Variants in SNX4 observed in about 807,000 individuals in gnomAD.
SNX4 encodes sorting nexin 4.
Under a neutral mutation model 70.8 loss-of-function variants are expected in SNX4, and 49 were observed. The ratio of observed to expected loss-of-function variants is 0.69; its 90% confidence interval spans 0.55 to 0.88. The LOEUF (loss-of-function observed/expected upper bound fraction) is 0.88, where lower values mean the gene tolerates loss of function less well. Ranked by LOEUF, SNX4 falls within the 40% of genes least tolerant of loss-of-function variation. The probability of loss-of-function intolerance (pLI) is 0.00; values close to 1 mark genes in which losing one functional copy is unlikely to be tolerated. For missense variants in SNX4, 528 were observed against 544.8 expected (o/e 0.97, Z 0.31); for synonymous variants, 206 against 183.8 (o/e 1.12, Z -0.98).
chr3:125,482,344 T>G (rs1442300555), intron 6 of SNX4, among the ~76,000 whole-genome samples: 4 of 152,212 alleles, frequency 2.6e-5, no homozygotes, highest in Non-Finnish European at 5.9e-5. Context: ...TCCCTTGCAC[T>G]CTAAAGAATG....
rs766176952 is a variant in SNX4 at position 125,451,385 on chromosome 3, G to A, written c.1225C>T (p.Arg409Cys). Residue 409 changes from arginine to cysteine, a missense_variant, in exon 13 of 14, where the codon CGC becomes TGC. Coordinates refer to ENST00000251775, the MANE Select transcript of SNX4 (RefSeq NM_003794.4). ...TCTCGGTTCTTTTGTTCTTTGAAGC[G>A]TTCAATATCAGCCCATGCGTTTTTC... ...FVKNAWADIE[R>C]FKEQKNRDLK... 15 of 1,613,460 alleles carry A rather than the reference G, an allele frequency of 9.3e-6. No individual in the cohort carries two copies. The highest frequency in any genetic ancestry group is 8.9e-5 in the East Asian group (4 of 44,846).
At chr3:125,509,993 C>T (rs73191137) in intron 1 of SNX4, among the ~76,000 whole-genome samples, 18,948 of 152,026 alleles carry the variant, frequency 0.12, 1,441 homozygotes, top group African/African-American at 0.21. Flanking sequence ...TTGGAACCCT[C>T]GTGCCCTATT....
chr3:125,512,616 A>G (rs1935193354), intron 1 of SNX4, among the ~76,000 whole-genome samples: 1 of 152,148 alleles, frequency 6.6e-6, no homozygotes, highest in South Asian at 2.1e-4. Context: ...TGAATGGCAG[A>G]TGAGACCAGG....
intron 10 of SNX4, among the ~76,000 whole-genome samples, chr3:125,458,814 C>CAAAAAAAAAAAAAAAAAAAAAAAAAAA (rs71148180): frequency 1.5e-5 from 1 of 64,532 alleles, no homozygotes. Context: ...GACTCCGTCT[C>CAAAAAAAAAAAAAAAAAAAAAAAAAAA]AAAAAAAAAA....
intron 7 of SNX4, among the ~76,000 whole-genome samples, chr3:125,479,922 TA>T (rs992535649): frequency 4.0e-5 from 6 of 151,756 alleles, no homozygotes; most frequent in Admixed American, 1.3e-4. Context: ...CACGGACCTT[TA>T]AAAAAAACAT....
rs534916578 is a variant in SNX4 at position 125,451,869 on chromosome 3, T to G, written c.1191-450A>C. Among the ~76,000 whole-genome samples, 25 of 152,112 alleles carry G rather than the reference T, an allele frequency of 1.6e-4. No individual in the cohort carries two copies. The East Asian group carries it at 4.9e-3, about 30-fold the overall frequency. On this transcript the variant is annotated intron_variant, in intron 12 of 13. Coordinates refer to ENST00000251775, the MANE Select transcript of SNX4 (RefSeq NM_003794.4). Reference sequence around the variant, plus strand: ...CTTGAACACCTGAGCTCAGGTGATCTGCCCACCTCAGCCTCCCAAACTGCT... The same window carrying G: ...CTTGAACACCTGAGCTCAGGTGATCGGCCCACCTCAGCCTCCCAAACTGCT...
At chr3:125,506,817 TAAAAAAAAAAAAAAAA>T (rs71148182) in intron 1 of SNX4, among the ~76,000 whole-genome samples, 315 of 26,848 alleles carry the variant, frequency 0.012, no homozygotes, top group African/African-American at 0.026. Context: ...GTGGAGAAAG[TAAAAAAAAAAAAAAAA>T]AAAAAAAAAA....
chr3:125,480,170 C>A (rs954597024), intron 7 of SNX4, 77 bp downstream of exon 7: 5 of 858,210 alleles, frequency 5.8e-6, no homozygotes, highest in Non-Finnish European at 8.8e-6. Flanking sequence ...ATACCACCTA[C>A]TACTTGAAAA....
At chr3:125,505,381 C>T (rs1486517722) in intron 1 of SNX4, among the ~76,000 whole-genome samples, 2 of 152,162 alleles carry the variant, frequency 1.3e-5, no homozygotes, top group Admixed American at 6.6e-5. Flanking sequence ...CCCACCTAGA[C>T]GACAACTGCA....
At chr3:125,453,081 T>C (rs921700615) in intron 12 of SNX4, among the ~76,000 whole-genome samples, 2 of 152,172 alleles carry the variant, frequency 1.3e-5, no homozygotes, top group African/African-American at 4.8e-5. Context: ...ACAGTGATAG[T>C]GGGTCTCTGA....
In SNX4 at chr3:125,497,852, G is replaced by T; in HGVS notation, c.531C>A (p.Phe177Leu). Residue 177 changes from phenylalanine to leucine, a missense_variant, in exon 4 of 14, where the codon TTC becomes TTA. Transcript: ENST00000251775. ...SHPILCRDKI[F>L]YLFLTQEGNW... ...AAAATACCTGTGTTAAAAACAGATA[G>T]AAGATTTTGTCTCTACAAAGGATGG... 1 of 1,605,596 alleles carries T rather than the reference G, an allele frequency of 6.2e-7. No homozygotes were observed. Among genetic ancestry groups the T allele is most frequent in the Non-Finnish European group, 8.5e-7 (1 of 1,177,636 alleles).
chr3:125,503,651 T>G (rs372198597), intron 2 of SNX4, among the ~76,000 whole-genome samples: 6 of 152,312 alleles, frequency 3.9e-5, no homozygotes, highest in Admixed American at 6.5e-5. Context: ...TAGAATTCTT[T>G]GTTAACCATT....
chr3:125,519,753 G>T (rs943345547), intron 1 of SNX4, among the ~76,000 whole-genome samples: 1 of 151,612 alleles, frequency 6.6e-6, no homozygotes, highest in Admixed American at 6.6e-5. Flanking sequence ...CTGCGGGGGC[G>T]CCCCCCCGGG....
At chr3:125,515,373 A>T (rs142688464) in intron 1 of SNX4, among the ~76,000 whole-genome samples, 7 of 124,732 alleles carry the variant, frequency 5.6e-5, no homozygotes, top group Non-Finnish European at 1.0e-4. Context: ...ATATATATAT[A>T]TTTTTGGGTC....
At chr3:125,451,226 T>G (rs1933563591) in intron 13 of SNX4, 79 bp downstream of exon 13, 9 of 730,562 alleles carry the variant, frequency 1.2e-5, no homozygotes, top group Non-Finnish European at 1.9e-5. Flanking sequence ...ATGAAAAATT[T>G]TTTGGTCAGG....
rs564182069 is a variant in SNX4 at position 125,450,979 on chromosome 3, G to C, written c.1305+326C>G. ...AATGGGCATACTGGTTGTAACACCA[G>C]TAGAGGCTGGACATGGTGGCTCGCA... On this transcript the variant is annotated intron_variant, in intron 13 of 13. Transcript: ENST00000251775. Among the ~76,000 whole-genome samples, 5 of 152,288 alleles carry C rather than the reference G, an allele frequency of 3.3e-5. No homozygotes were observed. In the East Asian group the frequency reaches 7.7e-4, roughly 24 times the overall value.
At chr3:125,452,169 G>C (rs1054739060) in intron 12 of SNX4, among the ~76,000 whole-genome samples, 7 of 151,482 alleles carry the variant, frequency 4.6e-5, no homozygotes, top group Non-Finnish European at 8.8e-5. Flanking sequence ...GCAGAGGCGT[G>C]ATCTTGGCTC....
chr3:125,506,817 T>TGAAAAA lies in SNX4; in HGVS notation c.142-2074_142-2073insTTTTTC, dbSNP rs199752160. 2.1e-3 allele frequency among the ~76,000 whole-genome samples: 55 copies of TGAAAAA among 26,826 alleles called. 5 individuals carry two copies. Among genetic ancestry groups the TGAAAAA allele is most frequent in the African/African-American group, 5.3e-3 (54 of 10,266 alleles). 17.6% of individuals were successfully genotyped at this position (26,826 alleles called of 152,430 possible). On this transcript the variant is annotated intron_variant, in intron 1 of 13. Transcript: ENST00000251775. Reference sequence around the variant, plus strand: ...AACTTAAAGAAAGATGTGGAGAAAGTAAAAAAAAAAAAAAAAAAAAAAAAA... The same window carrying TGAAAAA: ...AACTTAAAGAAAGATGTGGAGAAAGTGAAAAAAAAAAAAAAAAAAAAAAAAAAAAAA...
intron 13 of SNX4, among the ~76,000 whole-genome samples, chr3:125,449,508 G>A (rs1933522376): frequency 6.6e-6 from 1 of 151,912 alleles, no homozygotes; most frequent in African/African-American, 2.4e-5. Flanking sequence ...TGATCCTCCT[G>A]CCTCAACCTC....
Sources: gnomAD v4.1 joint callset for allele counts (sites outside exome capture counted in the v4.1 genomes callset) on GRCh38, gnomAD v4.1.1 for gene constraint, MANE v1.5 for transcripts, NCBI Gene and HGNC (gene_info 2026-07-23, HGNC 2026-07-21) for gene names.